Variants in SPAG16 observed in about 807,000 individuals in gnomAD.
SPAG16 encodes sperm associated antigen 16, also known as sperm-associated antigen 16 protein.
Under a neutral mutation model 80.4 loss-of-function variants are expected in SPAG16, and 86 were observed. The ratio of observed to expected loss-of-function variants is 1.07; its 90% CI spans 0.90 to 1.28. The LOEUF (loss-of-function observed/expected upper bound fraction) is 1.28, where lower values mean the gene tolerates loss of function less well. Ranked by LOEUF, SPAG16 falls within the 50% of genes most tolerant of loss-of-function variation. SPAG16 has a pLI of 0.00. For missense variants in SPAG16, 870 were observed against 765.3 expected, an observed-to-expected ratio of 1.14 and a Z score of -1.61; for synonymous variants, 294 against 265.9, an observed-to-expected ratio of 1.11 and a Z score of -1.03.
intron 15 of SPAG16, among the ~76,000 whole-genome samples, chr2:214,243,860 A>G (rs1378593525): frequency 6.6e-6 from 1 of 152,110 alleles, no homozygotes; most frequent in Non-Finnish European, 1.5e-5. Context: ...CTGACATCCT[A>G]CAAATAGGAA....
chr2:213,770,593 T>C (rs2069188932), intron 10 of SPAG16, among the ~76,000 whole-genome samples: 1 of 152,120 alleles, frequency 6.6e-6, no homozygotes, highest in Non-Finnish European at 1.5e-5. Context: ...CATTAACTCT[T>C]TATCCTGATA....
intron 12 of SPAG16, among the ~76,000 whole-genome samples, chr2:213,993,090 C>T (rs1040451425): frequency 7.2e-5 from 11 of 152,200 alleles, no homozygotes; most frequent in African/African-American, 2.7e-4. Context: ...TGAGCTGTTT[C>T]ACTGTCTCAT....
At chr2:213,418,494 A>G (rs773698569) in intron 9 of SPAG16, among the ~76,000 whole-genome samples, 13 of 152,154 alleles carry the variant, frequency 8.5e-5, no homozygotes, top group Non-Finnish European at 1.5e-4. Flanking sequence ...GTTTGATAAT[A>G]TGTTTGATTC....
intron 10 of SPAG16, among the ~76,000 whole-genome samples, chr2:213,668,707 G>T (rs1195830331): frequency 6.6e-6 from 1 of 152,056 alleles, no homozygotes; most frequent in Admixed American, 6.6e-5. Flanking sequence ...GGAGTGCAAT[G>T]GTGCAATCTT....
At chr2:214,363,967 T>G (rs1053605518) in intron 15 of SPAG16, among the ~76,000 whole-genome samples, 2 of 152,102 alleles carry the variant, frequency 1.3e-5, no homozygotes, top group Admixed American at 6.6e-5. Flanking sequence ...TCAACTCTAT[T>G]TTGTTAGAAT....
At chr2:214,092,505 A>AT (rs2052285493) in intron 13 of SPAG16, among the ~76,000 whole-genome samples, 2 of 140,758 alleles carry the variant, frequency 1.4e-5, no homozygotes, top group Admixed American at 1.4e-4. Flanking sequence ...ATATATATAT[A>AT]AATATATATA....
At chr2:214,151,848 C>T (rs2055988228) in intron 15 of SPAG16, among the ~76,000 whole-genome samples, 1 of 152,110 alleles carries the variant, frequency 6.6e-6, no homozygotes, top group African/African-American at 2.4e-5. Context: ...TTATGTAACA[C>T]ATGTGGAATT....
At chr2:213,459,442 T>C (rs1029263973) in intron 9 of SPAG16, among the ~76,000 whole-genome samples, 2 of 152,236 alleles carry the variant, frequency 1.3e-5, no homozygotes. Context: ...ATTAATTCCA[T>C]GTCACCTTAA....
chr2:214,178,447 C>T (rs1293636386), intron 15 of SPAG16, among the ~76,000 whole-genome samples: 4 of 151,186 alleles, frequency 2.6e-5, no homozygotes, highest in Admixed American at 6.6e-5. Flanking sequence ...GTTCAGCACG[C>T]TTGTGCTGAG....
intron 9 of SPAG16, among the ~76,000 whole-genome samples, chr2:213,443,900 T>A (rs2071137674): frequency 6.6e-6 from 1 of 152,090 alleles, no homozygotes; most frequent in Admixed American, 6.5e-5. Context: ...CTCACTCCAA[T>A]TCAGGCTCCT....
chr2:213,870,141 T>C (rs1396279197), intron 11 of SPAG16, among the ~76,000 whole-genome samples: 1 of 152,170 alleles, frequency 6.6e-6, no homozygotes, highest in Non-Finnish European at 1.5e-5. Flanking sequence ...GAAATGTGAA[T>C]GAAAGTCACA....
intron 10 of SPAG16, among the ~76,000 whole-genome samples, chr2:213,721,204 G>T (rs971618260): frequency 2.6e-5 from 4 of 151,976 alleles, no homozygotes; most frequent in African/African-American, 9.7e-5. Flanking sequence ...GGTTCAAGCT[G>T]CCTCTTGCCT....
chr2:213,436,243 A>T (rs2070631814), intron 9 of SPAG16, among the ~76,000 whole-genome samples: 1 of 152,184 alleles, frequency 6.6e-6, no homozygotes, highest in African/African-American at 2.4e-5. Context: ...ATTAAAAACA[A>T]TTTCTAGCGG....
chr2:213,330,278 A>G (rs571147784), intron 5 of SPAG16, among the ~76,000 whole-genome samples: 38 of 152,322 alleles, frequency 2.5e-4, no homozygotes, highest in South Asian at 1.2e-3. Context: ...AAAGCCACAG[A>G]CACTAAACAC....
At chr2:213,380,854 T>C (rs1247716523) in intron 9 of SPAG16, among the ~76,000 whole-genome samples, 1 of 152,194 alleles carries the variant, frequency 6.6e-6, no homozygotes, top group Non-Finnish European at 1.5e-5. Context: ...CGTTCTCCTG[T>C]TCTGGACCTC....
At chr2:213,419,517 G>GTCA (rs1405648234) in intron 9 of SPAG16, among the ~76,000 whole-genome samples, 4 of 152,058 alleles carry the variant, frequency 2.6e-5, no homozygotes, top group Non-Finnish European at 4.4e-5. Flanking sequence ...TAGTACTCGT[G>GTCA]TAGCACTTAA....
chr2:214,313,590 A>G (rs927804338), intron 15 of SPAG16, among the ~76,000 whole-genome samples: 3 of 152,138 alleles, frequency 2.0e-5, no homozygotes, highest in African/African-American at 7.2e-5. Flanking sequence ...TCTAGTTTGA[A>G]AAGTTTTTAT....
intron 10 of SPAG16, among the ~76,000 whole-genome samples, chr2:213,825,214 A>G (rs1166950095): frequency 1.3e-5 from 2 of 151,894 alleles, no homozygotes; most frequent in Non-Finnish European, 2.9e-5. Context: ...GAAGCACTTT[A>G]TTTCTTTATC....
chr2:213,926,661 C>A (rs368286168), intron 11 of SPAG16, among the ~76,000 whole-genome samples: 1 of 151,754 alleles, frequency 6.6e-6, no homozygotes, highest in African/African-American at 2.4e-5. Context: ...TATAACCTTA[C>A]GTCGTTTGAT....
Sources: gnomAD v4.1 joint callset for allele counts (sites outside exome capture counted in the v4.1 genomes callset) on GRCh38, gnomAD v4.1.1 for gene constraint, MANE v1.5 for transcripts, NCBI Gene and HGNC (gene_info 2026-07-23, HGNC 2026-07-21) for gene names.